The following TRPM7 variants were observed in gnomAD, a reference collection of about 807,000 sequenced individuals.
TRPM7 encodes the protein transient receptor potential cation channel subfamily M member 7, also known as LTRPC ion channel family member 7.
Under a neutral mutation model 229.7 loss-of-function variants are expected in TRPM7, and 134 were observed. That is an observed-to-expected ratio of 0.58 (90% CI 0.51 to 0.67). The LOEUF is 0.67. Among genes scored for constraint, TRPM7 ranks in the 30% least tolerant of loss-of-function variants. The pLI is 0.00. For missense variants in TRPM7, 1,901 were observed against 2,210.0 expected, an observed-to-expected ratio of 0.86 and a Z score of 2.80; for synonymous variants, 699 against 715.2, an observed-to-expected ratio of 0.98 and a Z score of 0.36.
intron 7 of TRPM7, among the ~76,000 whole-genome samples, chr15:50,636,094 TGAA>T (rs996088568): frequency 1.4e-5 from 2 of 145,348 alleles, no homozygotes; most frequent in African/African-American, 5.2e-5. Context: ...ATAAAATTAG[TGAA>T]GAATATGAAT....
At chr15:50,660,834 T>C (rs8035534) in intron 2 of TRPM7, among the ~76,000 whole-genome samples, 95,723 of 152,004 alleles carry the variant, frequency 0.63, 30,383 homozygotes, top group African/African-American at 0.68. Flanking sequence ...ATCTTAAATA[T>C]AAAAAAGGTT....
At chr15:50,607,845 G>A (rs553189562) in intron 19 of TRPM7, among the ~76,000 whole-genome samples, 2 of 145,468 alleles carry the variant, frequency 1.4e-5, no homozygotes, top group African/African-American at 2.6e-5. Context: ...TCAGGGGTTC[G>A]AAACTAGCCT....
At chr15:50,653,567 G>A (rs1020683278) in intron 3 of TRPM7, among the ~76,000 whole-genome samples, 1 of 152,168 alleles carries the variant, frequency 6.6e-6, no homozygotes, top group South Asian at 2.1e-4. Context: ...TTGAAATGAG[G>A]GAAACACATG....
At chr15:50,661,441 T>C (rs1323436432) in intron 2 of TRPM7, among the ~76,000 whole-genome samples, 1 of 152,220 alleles carries the variant, frequency 6.6e-6, no homozygotes, top group African/African-American at 2.4e-5. Flanking sequence ...ATTGAAACTC[T>C]ACGTATTGCT....
intron 3 of TRPM7, among the ~76,000 whole-genome samples, chr15:50,651,383 C>T (rs1462733768): frequency 1.3e-5 from 2 of 152,162 alleles, no homozygotes; most frequent in African/African-American, 2.4e-5. Context: ...TGGTGGCTCA[C>T]GCCTGTAATC....
chr15:50,669,441 A>G (rs533584817), intron 1 of TRPM7, among the ~76,000 whole-genome samples: 46 of 152,210 alleles, frequency 3.0e-4, no homozygotes, highest in African/African-American at 1.1e-3. Flanking sequence ...TCTCAAAAAG[A>G]AAAGGAAAAA....
chr15:50,612,403 T>A (rs1233587689), intron 16 of TRPM7, 146 bp downstream of exon 16: 1 of 537,374 alleles, frequency 1.9e-6, no homozygotes, highest in African/African-American at 2.0e-5. Flanking sequence ...TAAAAAAATA[T>A]ATACTTATAT....
chr15:50,576,606 G>A (rs1350410069), intron 31 of TRPM7, among the ~76,000 whole-genome samples: 1 of 152,196 alleles, frequency 6.6e-6, no homozygotes, highest in Non-Finnish European at 1.5e-5. Flanking sequence ...CTCAGAGTAA[G>A]AGAAGGGGGA....
At chr15:50,683,761 G>A (rs1044116258) in intron 1 of TRPM7, among the ~76,000 whole-genome samples, 1 of 151,988 alleles carries the variant, frequency 6.6e-6, no homozygotes, top group Non-Finnish European at 1.5e-5. Flanking sequence ...AAAAACAAGT[G>A]CAAGACTCCT....
In TRPM7 at chr15:50,612,701, C is replaced by A. The variant is rs2060094812; in HGVS notation, c.1899G>T (p.Lys633Asn). ...ATAAAAAACGGGCCATGACCTGCCT[C>A]TTCATAAGGCAAGCCCAAATTAAAA... ...NELLIWACLM[K>N]RQVMARFLWQ... is the part of the protein sequence containing the mutation. Residue 633 changes from lysine to asparagine, a missense_variant, in exon 16 of 39, where the codon AAG becomes AAT. Physicochemically the swap from Lys to Asn is moderately conservative, Grantham distance 94 (BLOSUM62 0). This residue lies in a region of TRPM7 where 794 missense variants were observed against 881.9 expected (regional missense o/e 0.90). Transcript: ENST00000646667. 1.2e-6 allele frequency: 2 copies of A among 1,614,158 alleles called. No individual in the cohort carries two copies. Among genetic ancestry groups the A allele is most frequent in the African/African-American group, 2.7e-5 (2 of 75,056 alleles).
chr15:50,589,470 C>T lies in TRPM7; in HGVS notation c.4389+122G>A, dbSNP rs193247863. 124 of 640,068 alleles carry T rather than the reference C, an allele frequency of 1.9e-4. No individual in the cohort carries two copies. In the East Asian group the frequency reaches 3.7e-3, roughly 19 times the overall value. 39.6% of individuals were successfully genotyped at this position (640,068 alleles called of 1,614,324 possible). On this transcript the variant is annotated intron_variant, in intron 27 of 38. Transcript: ENST00000646667. ...GACAGCTTCAAATATTTGGTATCAG[C>T]ATGTTAATGATATCTGCTAAAACTG... is the stretch of plus-strand genomic sequence containing the variant.
intron 36 of TRPM7, among the ~76,000 whole-genome samples, chr15:50,571,955 C>A (rs938701597): frequency 3.9e-5 from 6 of 152,218 alleles, no homozygotes; most frequent in African/African-American, 1.4e-4. Flanking sequence ...TCAAATGGCA[C>A]TGCGTGCTAC....
chr15:50,686,543 G>T lies in TRPM7; in HGVS notation c.-10C>A. 1.2e-6 allele frequency: 2 copies of T among 1,610,844 alleles called. No homozygotes were observed. Among genetic ancestry groups the T allele is most frequent in the Non-Finnish European group, 8.5e-7 (1 of 1,178,252 alleles). Reference sequence around the variant, plus strand: ...GTGGGTCCAGTACCATTCTCCTCACGGGGCGGACTCCGGAAGGGCAGCAAC... The same window carrying T: ...GTGGGTCCAGTACCATTCTCCTCACTGGGCGGACTCCGGAAGGGCAGCAAC... On this transcript the variant is annotated 5_prime_UTR_variant, in exon 1 of 39. Coordinates refer to ENST00000646667, the MANE Select transcript of TRPM7 (RefSeq NM_017672.6).
chr15:50,620,577 T>A (rs28369117), intron 12 of TRPM7, among the ~76,000 whole-genome samples: 10,075 of 152,286 alleles, frequency 0.066, 483 homozygotes, highest in African/African-American at 0.13. Context: ...TTAAGATGAC[T>A]ACAATTGATA....
intron 1 of TRPM7, among the ~76,000 whole-genome samples, chr15:50,678,037 A>C (rs1285058801): frequency 6.6e-6 from 1 of 151,840 alleles, no homozygotes; most frequent in East Asian, 1.9e-4. Flanking sequence ...CAGGAGATTG[A>C]GACCAGTCTG....
chr15:50,614,224 T>C lies in TRPM7; in HGVS notation c.1534A>G (p.Ile512Val), dbSNP rs750967431. The C allele has an allele frequency of 2.5e-6, 4 of 1,611,662 alleles. No individual in the cohort carries two copies. Among genetic ancestry groups the C allele is most frequent in the Middle Eastern group, 3.3e-4 (2 of 6,040 alleles). ...PPGYKITLID[I>V]GLVIEYLMGG... ...ATGAGATATTCAATAACAAGTCCTA[T>C]ATCAATCAGAGTGATCTTATATCCT... is the stretch of plus-strand genomic sequence containing the variant. The change falls in exon 14 of 39, where the codon ATA (isoleucine) becomes GTA (valine). Residue 512 changes from isoleucine to valine, a missense_variant. Ile to Val is a conservative substitution (Grantham distance 29). Around this residue, in one of 8 missense-constraint regions of TRPM7, gnomAD observed 794 missense variants for 881.9 expected, o/e 0.90. Transcript: ENST00000646667.
At chr15:50,669,932 C>T (rs2061953420) in intron 1 of TRPM7, among the ~76,000 whole-genome samples, 1 of 152,294 alleles carries the variant, frequency 6.6e-6, no homozygotes. Flanking sequence ...GACAGTTTTA[C>T]TTATTTTGCT....
At chr15:50,567,278 C>G (rs930483379) in intron 38 of TRPM7, among the ~76,000 whole-genome samples, 1 of 151,888 alleles carries the variant, frequency 6.6e-6, no homozygotes, top group African/African-American at 2.4e-5. Context: ...CTGCACCCAT[C>G]AACTCGTCAT....
intron 1 of TRPM7, among the ~76,000 whole-genome samples, chr15:50,677,751 A>AAG (rs1555435758): frequency 4.0e-5 from 6 of 148,230 alleles, no homozygotes; most frequent in African/African-American, 1.2e-4. Flanking sequence ...AAAAAAAAAA[A>AAG]AAAAAAAAAC....
Sources: gnomAD v4.1 joint callset for allele counts (sites outside exome capture counted in the v4.1 genomes callset) on GRCh38, gnomAD v4.1.1 for gene constraint, gnomAD v4.1.1 regional missense constraint, MANE v1.5 for transcripts, NCBI Gene and HGNC (gene_info 2026-07-23, HGNC 2026-07-21) for gene names.